SKAP2: variants seen among roughly 807,000 people sequenced by gnomAD.
SKAP2 encodes src kinase-associated phosphoprotein 2.
SKAP2 carries 28 observed loss-of-function variants against 54.9 expected under a neutral mutation model. The observed-to-expected ratio is 0.51, with a 90% CI of 0.38 to 0.70. The LOEUF (loss-of-function observed/expected upper bound fraction) is 0.70, where lower values mean the gene tolerates loss of function less well. Among genes scored for constraint, SKAP2 ranks in the 30% least tolerant of loss-of-function variants. The pLI is 0.00. For missense variants in SKAP2, 356 were observed against 424.1 expected, an observed-to-expected ratio of 0.84 and a Z score of 1.41; for synonymous variants, 137 against 134.3, an observed-to-expected ratio of 1.02 and a Z score of -0.14.
chr7:26,804,687 C>T lies in SKAP2; in HGVS notation c.307+39343G>A, dbSNP rs574611900. ...CCGGGAGGCGGAGGTTGCAGTGAGCCGAAATAGCACCACTGCACTCCAGCC... is the reference window on the plus strand; with the variant it reads ...CCGGGAGGCGGAGGTTGCAGTGAGCTGAAATAGCACCACTGCACTCCAGCC... On this transcript the variant is annotated intron_variant, in intron 4 of 12. Transcript: ENST00000345317. Among the ~76,000 whole-genome samples, 5 of 147,262 alleles carry T rather than the reference C, an allele frequency of 3.4e-5. No individual in the cohort carries two copies. In the South Asian group the frequency reaches 6.4e-4, roughly 19 times the overall value.
chr7:26,828,676 CA>C lies in SKAP2; in HGVS notation c.307+15353del, dbSNP rs61268985. Among the ~76,000 whole-genome samples the C allele has an allele frequency of 2.8e-3, 282 of 99,998 alleles. 2 individuals carry two copies. Among genetic ancestry groups the C allele is most frequent in the Middle Eastern group, 6.3e-3 (1 of 158 alleles). 65.6% of individuals were successfully genotyped at this position (99,998 alleles called of 152,430 possible). A position where few individuals can be genotyped will look rare whatever the true frequency, so the allele number is the denominator to read the frequency against. On this transcript the variant is annotated intron_variant, in intron 4 of 12. Transcript: ENST00000345317. Reference sequence around the variant, plus strand: ...TGGGCGACAGAGTGAGACTCTGTCTCAAAAAAAAAAAAAAATAGAATCTTCA... The same window carrying C: ...TGGGCGACAGAGTGAGACTCTGTCTCAAAAAAAAAAAAAATAGAATCTTCA...
At chr7:26,672,258 G>T (rs1295140040) in intron 11 of SKAP2, among the ~76,000 whole-genome samples, 1 of 151,928 alleles carries the variant, frequency 6.6e-6, no homozygotes, top group African/African-American at 2.4e-5. Flanking sequence ...TCAACTAAAG[G>T]CATGTTATCA....
At chr7:26,715,810 T>C (rs149061684) in intron 9 of SKAP2, among the ~76,000 whole-genome samples, 10 of 152,268 alleles carry the variant, frequency 6.6e-5, no homozygotes. Context: ...ACAACAATGC[T>C]ACAATGCTAC....
chr7:26,800,506 A>C (rs1025108722), intron 4 of SKAP2, among the ~76,000 whole-genome samples: 1 of 149,108 alleles, frequency 6.7e-6, no homozygotes, highest in Non-Finnish European at 1.5e-5. Context: ...ATAAATAAAG[A>C]CCAGAGCAGA....
chr7:26,847,345 C>T (rs960063013), intron 3 of SKAP2, among the ~76,000 whole-genome samples: 1 of 151,944 alleles, frequency 6.6e-6, no homozygotes, highest in Non-Finnish European at 1.5e-5. Flanking sequence ...CCTTTTCCTC[C>T]CCCCTAATTT....
intron 9 of SKAP2, among the ~76,000 whole-genome samples, chr7:26,718,680 A>G (rs542951212): frequency 6.6e-6 from 1 of 151,912 alleles, no homozygotes; most frequent in East Asian, 1.9e-4. Context: ...TAATTTTTGT[A>G]TTTTTAGTAG....
At chr7:26,782,071 T>A (rs138507922) in intron 4 of SKAP2, among the ~76,000 whole-genome samples, 127 of 151,992 alleles carry the variant, frequency 8.4e-4, no homozygotes, top group African/African-American at 2.9e-3. Context: ...CACTAGACTT[T>A]AAGTTTCACA....
chr7:26,709,063 A>C (rs1325179289), intron 9 of SKAP2, among the ~76,000 whole-genome samples: 2 of 152,206 alleles, frequency 1.3e-5, no homozygotes, highest in African/African-American at 4.8e-5. Context: ...ACCTAGGCTC[A>C]AATTCACAAA....
chr7:26,721,375 T>C (rs1043504577), intron 9 of SKAP2, among the ~76,000 whole-genome samples: 5 of 152,218 alleles, frequency 3.3e-5, no homozygotes, highest in African/African-American at 1.2e-4. Flanking sequence ...TTCTTTTTTA[T>C]GTATATATAA....
At chr7:26,820,567 T>A (rs554105936) in intron 4 of SKAP2, among the ~76,000 whole-genome samples, 1 of 152,138 alleles carries the variant, frequency 6.6e-6, no homozygotes, top group Non-Finnish European at 1.5e-5. Flanking sequence ...TCCTACTATC[T>A]AACAGACAGG....
the SKAP2 span, among the ~76,000 whole-genome samples, chr7:26,656,710 T>C: frequency 1.3e-5 from 2 of 152,222 alleles, no homozygotes. Context: ...AGCAGGTAAC[T>C]GGGTTTGAGA....
chr7:26,854,688 A>C, intron 2 of SKAP2, 97 bp downstream of exon 2: 1 of 1,262,814 alleles, frequency 7.9e-7, no homozygotes, highest in Non-Finnish European at 1.1e-6. Flanking sequence ...CTGGAACATG[A>C]AAAATTTAAC....
intron 10 of SKAP2, among the ~76,000 whole-genome samples, chr7:26,689,514 T>C (rs1584332461): frequency 1.3e-5 from 2 of 152,184 alleles, no homozygotes; most frequent in East Asian, 3.9e-4. Flanking sequence ...GTCTCATTCA[T>C]AATTAGTACT....
At chr7:26,824,073 A>G (rs937632885) in intron 4 of SKAP2, among the ~76,000 whole-genome samples, 3 of 151,416 alleles carry the variant, frequency 2.0e-5, no homozygotes, top group Admixed American at 1.3e-4. Context: ...ATTACATGCC[A>G]GAGGGAAATC....
the SKAP2 span, among the ~76,000 whole-genome samples, chr7:26,661,347 G>C: frequency 6.6e-6 from 1 of 152,134 alleles, no homozygotes; most frequent in Admixed American, 6.6e-5. Flanking sequence ...TTTTTAACTA[G>C]AAAGTGTGTA....
At chr7:26,732,127 A>C (rs2127958385) in intron 6 of SKAP2, among the ~76,000 whole-genome samples, 1 of 152,324 alleles carries the variant, frequency 6.6e-6, no homozygotes, top group South Asian at 2.1e-4. Context: ...CAGAAGCTGG[A>C]GAGAGATGGA....
rs770526501 is a variant in SKAP2 at position 26,854,091 on chromosome 7, CCA to C, written c.199+44_199+45del. On this transcript the variant is annotated intron_variant, in intron 3 of 12. Coordinates refer to ENST00000345317, the MANE Select transcript of SKAP2 (RefSeq NM_003930.5). ...TGTTAGATTATCCTATTGAAAATTT[CCA>C]CAGAGGAAAAAAATTTTCAAGTTTG... 8.6e-6 allele frequency: 12 copies of C among 1,394,626 alleles called. No individual in the cohort carries two copies. The East Asian group carries it at 1.9e-4, about 22-fold the overall frequency. 86.4% of individuals were successfully genotyped at this position (1,394,626 alleles called of 1,614,324 possible).
intron 11 of SKAP2, among the ~76,000 whole-genome samples, chr7:26,677,794 C>T (rs1312467684): frequency 3.3e-5 from 5 of 152,158 alleles, no homozygotes; most frequent in Non-Finnish European, 7.3e-5. Flanking sequence ...GGATCCTGCT[C>T]AAAATAGTAC....
chr7:26,659,637 C>T, the SKAP2 span, among the ~76,000 whole-genome samples: 1 of 151,964 alleles, frequency 6.6e-6, no homozygotes, highest in South Asian at 2.1e-4. Context: ...CTGGGCAATG[C>T]GGCAGGTTCA....
Sources: allele counts gnomAD v4.1 joint callset (sites outside exome capture counted in the v4.1 genomes callset), GRCh38; gene constraint gnomAD v4.1.1; transcripts MANE v1.5; gene names NCBI Gene and HGNC (gene_info 2026-07-23, HGNC 2026-07-21).